CADPS2: variants seen among roughly 807,000 people sequenced by gnomAD.
The protein encoded by CADPS2 is calcium dependent secretion activator 2, also known as calcium-dependent secretion activator 2.
A neutral mutation model predicts 172.5 loss-of-function variants in CADPS2; 93 were observed. The ratio of observed to expected loss-of-function variants is 0.54; its 90% confidence interval spans 0.46 to 0.64. The LOEUF (loss-of-function observed/expected upper bound fraction) is 0.64. Ranked by LOEUF, CADPS2 falls within the 30% of genes least tolerant of loss-of-function variation. The pLI is 0.00. For missense variants in CADPS2, 1,420 were observed against 1,565.9 expected, an observed-to-expected ratio of 0.91 and a Z score of 1.57; for synonymous variants, 546 against 555.2, an observed-to-expected ratio of 0.98 and a Z score of 0.23.
At chr7:122,633,597 CAG>C (rs1332676810) in intron 3 of CADPS2, among the ~76,000 whole-genome samples, 6 of 152,224 alleles carry the variant, frequency 3.9e-5, no homozygotes, top group African/African-American at 1.4e-4. Flanking sequence ...AGCTTTTTGG[CAG>C]AGTCTTTAGG....
intron 24 of CADPS2, among the ~76,000 whole-genome samples, chr7:122,384,883 G>T (rs1404369385): frequency 6.6e-6 from 1 of 151,996 alleles, no homozygotes; most frequent in Non-Finnish European, 1.5e-5. Flanking sequence ...TTCTTACAGG[G>T]GAGGATTTTT....
intron 8 of CADPS2, among the ~76,000 whole-genome samples, chr7:122,541,262 T>C (rs1042725578): frequency 6.7e-6 from 1 of 149,860 alleles, no homozygotes; most frequent in Non-Finnish European, 1.5e-5. Context: ...AATGGTGTGA[T>C]CTCGGCTCAC....
At chr7:122,432,925 C>G (rs1236906949) in intron 17 of CADPS2, among the ~76,000 whole-genome samples, 1 of 151,832 alleles carries the variant, frequency 6.6e-6, no homozygotes, top group Admixed American at 6.6e-5. Flanking sequence ...CAAGGTAACC[C>G]TGCTAGGTTA....
intron 2 of CADPS2, among the ~76,000 whole-genome samples, chr7:122,690,937 A>G (rs1475831124): frequency 6.6e-6 from 1 of 152,156 alleles, no homozygotes; most frequent in Non-Finnish European, 1.5e-5. Flanking sequence ...CCCCATTAGG[A>G]ATGGGGGGAT....
intron 2 of CADPS2, chr7:122,698,928 C>T: frequency 6.5e-7 from 1 of 1,545,952 alleles, no homozygotes; most frequent in Non-Finnish European, 8.7e-7. Flanking sequence ...TCTCTCTCTT[C>T]TCCGAGTGAC....
At chr7:122,440,378 C>G (rs1284154862) in intron 16 of CADPS2, 1 of 152,152 alleles carries the variant, frequency 6.6e-6, no homozygotes, top group African/African-American at 2.4e-5. Context: ...GATTTTTATT[C>G]ATAATACCTT....
intron 24 of CADPS2, chr7:122,386,276 A>T: frequency 2.9e-6 from 4 of 1,384,014 alleles, no homozygotes; most frequent in Admixed American, 2.7e-5. Flanking sequence ...GTGCTTTTAG[A>T]AAAAAAAATG....
chr7:122,697,703 C>A, intron 2 of CADPS2: 5 of 1,026,858 alleles, frequency 4.9e-6, no homozygotes, highest in South Asian at 2.1e-5. Flanking sequence ...ACACAAAAAC[C>A]ACACTTCAAA....
At position 122,554,543 on chromosome 7, in the gene CADPS2, T is replaced by C. The variant is rs1378403319; in HGVS notation, c.1475+7A>G. 1 of 1,572,574 alleles carries C rather than the reference T, an allele frequency of 6.4e-7. No homozygotes were observed. Among genetic ancestry groups the C allele is most frequent in the Non-Finnish European group, 8.6e-7 (1 of 1,164,176 alleles). On this transcript the variant is annotated splice_region_variant and intron_variant, in intron 8 of 29. Transcript: ENST00000449022. Reference sequence around the variant, plus strand: ...TTCAGGAAAAAAATCCTCAAATTTATACTCACCCACTATGCTTCATATGTG... The same window carrying C: ...TTCAGGAAAAAAATCCTCAAATTTACACTCACCCACTATGCTTCATATGTG...
At chr7:122,333,784 T>C (rs563211731) in intron 28 of CADPS2, among the ~76,000 whole-genome samples, 1 of 152,172 alleles carries the variant, frequency 6.6e-6, no homozygotes, top group African/African-American at 2.4e-5. Context: ...TAACTGAATC[T>C]TACTTGTATT....
intron 3 of CADPS2, among the ~76,000 whole-genome samples, chr7:122,635,873 CTGAT>C (rs1181291126): frequency 6.6e-6 from 1 of 152,094 alleles, no homozygotes; most frequent in African/African-American, 2.4e-5. Context: ...TTTGTCCTTC[CTGAT>C]TGTTATTGGT....
At chr7:122,718,495 G>T (rs994907006) in intron 2 of CADPS2, among the ~76,000 whole-genome samples, 1 of 152,074 alleles carries the variant, frequency 6.6e-6, no homozygotes, top group African/African-American at 2.4e-5. Context: ...GAAAAGTTCA[G>T]ATAGTTAAGG....
intron 2 of CADPS2, among the ~76,000 whole-genome samples, chr7:122,735,765 G>T (rs1004653423): frequency 9.2e-5 from 14 of 152,150 alleles, no homozygotes; most frequent in African/African-American, 3.1e-4. Flanking sequence ...TTTTTATACA[G>T]ATTACTCCCC....
chr7:122,719,838 A>T (rs1340919955), intron 2 of CADPS2, among the ~76,000 whole-genome samples: 1 of 152,136 alleles, frequency 6.6e-6, no homozygotes, highest in African/African-American at 2.4e-5. Flanking sequence ...ATCATCATTT[A>T]TGGCTTTATC....
chr7:122,499,146 T>A (rs550030279), intron 9 of CADPS2, among the ~76,000 whole-genome samples: 16 of 152,366 alleles, frequency 1.1e-4, no homozygotes, highest in African/African-American at 2.9e-4. Flanking sequence ...TTTTCCTGCA[T>A]ATTCAGAGCT....
chr7:122,847,597 A>AT (rs35101326), intron 1 of CADPS2, among the ~76,000 whole-genome samples: 29,658 of 149,924 alleles, frequency 0.2, 2,984 homozygotes, highest in Middle Eastern at 0.29. Flanking sequence ...AGCTACTTAG[A>AT]TTTTTTTTTT....
chr7:122,762,011 A>AAT (rs2093399206), intron 1 of CADPS2, among the ~76,000 whole-genome samples: 1 of 80,390 alleles, frequency 1.2e-5, no homozygotes, highest in Non-Finnish European at 2.3e-5. Flanking sequence ...AAAAAAAAAA[A>AAT]AAATATATAT....
At chr7:122,323,872 T>A (rs1332039399) in intron 29 of CADPS2, among the ~76,000 whole-genome samples, 3 of 66,816 alleles carry the variant, frequency 4.5e-5, no homozygotes, top group Non-Finnish European at 6.8e-5. Context: ...ATATGTATAT[T>A]TTATATATAT....
rs1033094214 is a variant in CADPS2, at chr7:122,487,394, G to C, written c.1852+2687C>G. ...ATATTCATCTTATTGCAGTGGTCTG[G>C]AACTGAACCCACAATATCTCCTAGG... On this transcript the variant is annotated intron_variant, in intron 11 of 29. Coordinates refer to ENST00000449022, the MANE Select transcript of CADPS2 (RefSeq NM_017954.11). Among the ~76,000 whole-genome samples the C allele has an allele frequency of 2.0e-5, 3 of 152,002 alleles. No homozygotes were observed. The East Asian group carries it at 5.8e-4, about 29-fold the overall frequency.
Sources: allele counts gnomAD v4.1 joint callset (sites outside exome capture counted in the v4.1 genomes callset), GRCh38; gene constraint gnomAD v4.1.1; transcripts MANE v1.5; gene names NCBI Gene and HGNC (gene_info 2026-07-23, HGNC 2026-07-21).